The following FBXL17 variants were observed in gnomAD, a reference collection of about 807,000 sequenced individuals.
FBXL17 encodes F-box/LRR-repeat protein 17.
FBXL17 carries 22 observed loss-of-function variants against 66.2 expected under a neutral mutation model. The ratio of observed to expected loss-of-function variants is 0.33; its 90% CI spans 0.24 to 0.47. The LOEUF is 0.47. FBXL17 is among the 20% of genes least tolerant of loss of function. The pLI, the probability that FBXL17 is intolerant of heterozygous loss-of-function variation, is 1.00. For missense variants in FBXL17, 878 were observed against 948.2 expected, an observed-to-expected ratio of 0.93 and a Z score of 0.97; for synonymous variants, 474 against 400.5, an observed-to-expected ratio of 1.18 and a Z score of -2.19.
In FBXL17 at chr5:108,175,191, C is replaced by T. The variant is rs1752753583; in HGVS notation, c.1745+10926G>A. ...GAATGTATTAAATTAATCCTCTGAG[C>T]AGGGCCGTGTGTGAGGTGCTGATTG... On this transcript the variant is annotated intron_variant, in intron 6 of 8. Transcript: ENST00000542267. 2.0e-5 allele frequency among the ~76,000 whole-genome samples: 3 copies of T among 152,082 alleles called. No individual in the cohort carries two copies. In the South Asian group the frequency reaches 6.2e-4, roughly 32 times the overall value.
At chr5:107,937,558 C>T (rs192188516) in intron 7 of FBXL17, among the ~76,000 whole-genome samples, 64 of 152,226 alleles carry the variant, frequency 4.2e-4, no homozygotes, top group African/African-American at 1.4e-3. Flanking sequence ...CTTACTCTGA[C>T]CTCCGATAGC....
chr5:108,282,838 C>T (rs974588766), intron 4 of FBXL17, among the ~76,000 whole-genome samples: 2 of 150,568 alleles, frequency 1.3e-5, no homozygotes, highest in African/African-American at 4.9e-5. Context: ...ATACAAAAAC[C>T]AGTAGTGCTT....
chr5:107,978,292 T>C (rs752915709), intron 7 of FBXL17, among the ~76,000 whole-genome samples: 4 of 152,124 alleles, frequency 2.6e-5, no homozygotes, highest in Non-Finnish European at 2.9e-5. Flanking sequence ...TAGTTTAACT[T>C]TGAAGCAGGG....
chr5:108,116,671 AT>A (rs764531663), intron 6 of FBXL17, among the ~76,000 whole-genome samples: 87 of 151,934 alleles, frequency 5.7e-4, no homozygotes, highest in East Asian at 1.9e-3. Flanking sequence ...TAATAAAAAA[AT>A]AATAATAAAA....
At chr5:108,042,950 G>A (rs1195010662) in intron 6 of FBXL17, among the ~76,000 whole-genome samples, 1 of 152,114 alleles carries the variant, frequency 6.6e-6, no homozygotes, top group Non-Finnish European at 1.5e-5. Flanking sequence ...AATCTCAATT[G>A]TGGTTTTAAT....
chr5:108,347,537 C>A (rs1394094445), intron 4 of FBXL17, among the ~76,000 whole-genome samples: 3 of 152,066 alleles, frequency 2.0e-5, no homozygotes, highest in Admixed American at 6.5e-5. Flanking sequence ...ACATGATAAA[C>A]ACGAATGAGC....
Position 107,878,849 on chromosome 5 carries a change from G to A in FBXL17, c.1965+2188C>T, listed in dbSNP as rs1748693307. 13 of 985,514 alleles carry A rather than the reference G, an allele frequency of 1.3e-5. No individual in the cohort carries two copies. In the South Asian group the frequency reaches 5.6e-4, roughly 43 times the overall value. The allele number at this position is 985,514 out of a possible 1,614,324, so 61.0% of individuals were successfully genotyped here. ...TCTGAGGAAGCCAGACAGCAAGGCT[G>A]GGTCCAGCATCTCCCTGGGCTGCAC... On this transcript the variant is annotated intron_variant, in intron 8 of 8. Transcript: ENST00000542267.
At chr5:108,028,784 C>G (rs563869631) in intron 6 of FBXL17, among the ~76,000 whole-genome samples, 1 of 152,122 alleles carries the variant, frequency 6.6e-6, no homozygotes, top group African/African-American at 2.4e-5. Flanking sequence ...CAGAAGACTA[C>G]AAAACACAGG....
intron 6 of FBXL17, among the ~76,000 whole-genome samples, chr5:108,185,386 C>T (rs77008477): frequency 5.9e-5 from 9 of 152,102 alleles, no homozygotes; most frequent in Admixed American, 2.6e-4. Flanking sequence ...ATGTGTAGTA[C>T]CTCCCACTTC....
intron 7 of FBXL17, among the ~76,000 whole-genome samples, chr5:107,957,790 A>AT (rs1561338902): frequency 6.6e-6 from 1 of 152,194 alleles, no homozygotes; most frequent in African/African-American, 2.4e-5. Context: ...TTAAAATATA[A>AT]TTGTGGTAGA....
chr5:108,380,258 G>A (rs543648324), intron 1 of FBXL17, among the ~76,000 whole-genome samples: 30 of 152,188 alleles, frequency 2.0e-4, no homozygotes, highest in African/African-American at 7.0e-4. Flanking sequence ...GCCTGATTAT[G>A]GTAAATGCTC....
chr5:107,968,573 G>A (rs1580263027), intron 7 of FBXL17, among the ~76,000 whole-genome samples: 2 of 152,180 alleles, frequency 1.3e-5, no homozygotes, highest in Admixed American at 1.3e-4. Context: ...TGAAAATTTT[G>A]TTCTTACTTT....
intron 7 of FBXL17, among the ~76,000 whole-genome samples, chr5:107,931,260 T>TA (rs35719842): frequency 0.027 from 2,279 of 85,688 alleles, 35 homozygotes; most frequent in African/African-American, 0.049. Context: ...AAAGAGAATT[T>TA]TTTTTTTTTT....
chr5:108,264,214 CAAAAAA>C (rs35346820), intron 4 of FBXL17, among the ~76,000 whole-genome samples: 10 of 55,504 alleles, frequency 1.8e-4, no homozygotes, highest in African/African-American at 4.6e-4. Context: ...GACTCTTTCT[CAAAAAA>C]AAAAAAAAAA....
chr5:108,138,395 C>T (rs947243138), intron 6 of FBXL17, among the ~76,000 whole-genome samples: 22 of 152,086 alleles, frequency 1.4e-4, no homozygotes, highest in Non-Finnish European at 2.5e-4. Context: ...TTATCAATAA[C>T]GTTGGTAAAA....
chr5:108,043,079 T>A (rs1747114676), intron 6 of FBXL17, among the ~76,000 whole-genome samples: 1 of 152,232 alleles, frequency 6.6e-6, no homozygotes, highest in African/African-American at 2.4e-5. Context: ...TGGCTTGTTT[T>A]TAATTATAAA....
At chr5:107,969,631 C>T (rs1190900616) in intron 7 of FBXL17, among the ~76,000 whole-genome samples, 2 of 152,092 alleles carry the variant, frequency 1.3e-5, no homozygotes, top group Non-Finnish European at 2.9e-5. Context: ...TCAGGTGATC[C>T]ACAGTCTCAG....
intron 4 of FBXL17, among the ~76,000 whole-genome samples, chr5:108,287,603 A>G (rs1434207625): frequency 6.6e-6 from 1 of 152,064 alleles, no homozygotes; most frequent in Non-Finnish European, 1.5e-5. Context: ...ATTATTTAAA[A>G]AAAAATAAAC....
At chr5:108,212,285 T>C (rs1754409767) in intron 5 of FBXL17, among the ~76,000 whole-genome samples, 1 of 152,222 alleles carries the variant, frequency 6.6e-6, no homozygotes, top group South Asian at 2.1e-4. Flanking sequence ...CCTGCTCCTT[T>C]AGCTCGGAAG....
Sources: allele counts gnomAD v4.1 joint callset (sites outside exome capture counted in the v4.1 genomes callset), GRCh38; gene constraint gnomAD v4.1.1; transcripts MANE v1.5; gene names NCBI Gene and HGNC (gene_info 2026-07-23, HGNC 2026-07-21).